Variants in RAB11FIP2 observed in about 807,000 individuals in gnomAD.
The protein encoded by RAB11FIP2 is rab11 family-interacting protein 2.
RAB11FIP2 carries 16 observed loss-of-function variants against 40.9 expected under a neutral mutation model. The observed-to-expected ratio is 0.39, with a 90% CI of 0.26 to 0.59. The LOEUF (loss-of-function observed/expected upper bound fraction) is 0.59. Ranked by LOEUF, RAB11FIP2 falls within the 20% of genes least tolerant of loss-of-function variation. The probability of loss-of-function intolerance (pLI) is 0.53; values close to 1 mark genes in which losing one functional copy is unlikely to be tolerated. For missense variants in RAB11FIP2, 532 were observed against 606.2 expected (o/e 0.88, Z 1.28); for synonymous variants, 228 against 213.7 (o/e 1.07, Z -0.58).
chr10:118,046,182 C>A lies in RAB11FIP2; in HGVS notation c.-19G>T. ...GCATCATCCTGTCCTGTTTCTCTGC[C>A]CCCGAGTTCCCTAGCACAGGCAGTG... On this transcript the variant is annotated 5_prime_UTR_variant, in exon 1 of 5. Transcript: ENST00000355624. The A allele has an allele frequency of 6.2e-7, 1 of 1,602,348 alleles. No individual in the cohort carries two copies. The highest frequency in any genetic ancestry group is 8.5e-7 in the Non-Finnish European group (1 of 1,171,696).
chr10:118,044,530 T>C (rs1331050332), intron 1 of RAB11FIP2, among the ~76,000 whole-genome samples: 1 of 152,130 alleles, frequency 6.6e-6, no homozygotes, highest in Non-Finnish European at 1.5e-5. Flanking sequence ...AAACTTTACA[T>C]TTAACTTTTT....
intron 3 of RAB11FIP2, chr10:118,034,120 T>C: frequency 1.5e-6 from 1 of 688,246 alleles, no homozygotes; most frequent in African/African-American, 1.8e-5. Context: ...GCTACCACCG[T>C]ACACAATTAT....
intron 3 of RAB11FIP2, among the ~76,000 whole-genome samples, chr10:118,034,301 G>A (rs1404475550): frequency 1.3e-5 from 2 of 151,640 alleles, no homozygotes; most frequent in Non-Finnish European, 1.5e-5. Context: ...ACCTGAAAGT[G>A]GTATACATCT....
intron 3 of RAB11FIP2, among the ~76,000 whole-genome samples, chr10:118,024,089 TAA>T (rs11410516): frequency 1.9e-4 from 24 of 126,908 alleles, no homozygotes; most frequent in Admixed American, 3.2e-4. Flanking sequence ...GACTCTGTCT[TAA>T]AAAAAAAAAA....
At chr10:118,033,533 C>CAA (rs1846443342) in intron 3 of RAB11FIP2, among the ~76,000 whole-genome samples, 1 of 152,108 alleles carries the variant, frequency 6.6e-6, no homozygotes, top group Non-Finnish European at 1.5e-5. Flanking sequence ...AAAGAACACT[C>CAA]AGAGATGAGT....
rs771275484 is a variant in RAB11FIP2 at position 118,015,082 on chromosome 10, C to G, written c.1294G>C (p.Asp432His). ...CAACTTACCGGGATTTTCCTGAGGT[C>G]TTCATTGCTTGTTGGACTCATATGA... is the stretch of plus-strand genomic sequence containing the variant. ...SFHMSPTSNE[D>H]LRKIPDSNPF... is the part of the protein sequence containing the mutation. The change falls in exon 4 of 5, where the codon GAC (aspartate) becomes CAC (histidine). Residue 432 changes from aspartate (D) to histidine (H), a missense_variant. Coordinates refer to ENST00000355624, the MANE Select transcript of RAB11FIP2 (RefSeq NM_014904.3). 2 of 1,610,396 alleles carry G rather than the reference C, an allele frequency of 1.2e-6. No homozygotes were observed. The highest frequency in any genetic ancestry group is 2.2e-5 in the South Asian group (2 of 90,480).
intron 1 of RAB11FIP2, among the ~76,000 whole-genome samples, chr10:118,041,699 A>G (rs1846560778): frequency 6.6e-6 from 1 of 152,158 alleles, no homozygotes; most frequent in Non-Finnish European, 1.5e-5. Context: ...TACCAACTGG[A>G]TATGCCAAGA....
At chr10:118,010,139 C>G (rs1846139060) in intron 4 of RAB11FIP2, among the ~76,000 whole-genome samples, 1 of 151,882 alleles carries the variant, frequency 6.6e-6, no homozygotes, top group African/African-American at 2.4e-5. Context: ...TAATCAAGGC[C>G]CTGTAACATA....
intron 3 of RAB11FIP2, chr10:118,017,915 T>C (rs1846240400): frequency 6.6e-6 from 1 of 152,204 alleles, no homozygotes; most frequent in Admixed American, 6.5e-5. Context: ...CAATCACAGC[T>C]TATAAAACTA....
chr10:118,008,981 C>T lies in RAB11FIP2; in HGVS notation c.*17G>A. The T allele has an allele frequency of 3.2e-6, 5 of 1,558,086 alleles. No individual in the cohort carries two copies. Among genetic ancestry groups the T allele is most frequent in the Non-Finnish European group, 4.4e-6 (5 of 1,129,384 alleles). Reference sequence around the variant, plus strand: ...CTCTCTCTTTGTCCAATTATCAATACAATACAATTGGCTTTATTAACTGTT... The same window carrying T: ...CTCTCTCTTTGTCCAATTATCAATATAATACAATTGGCTTTATTAACTGTT... On this transcript the variant is annotated 3_prime_UTR_variant, in exon 5 of 5. Coordinates refer to ENST00000355624, the MANE Select transcript of RAB11FIP2 (RefSeq NM_014904.3).
intron 3 of RAB11FIP2, among the ~76,000 whole-genome samples, chr10:118,021,821 C>A (rs1196661635): frequency 6.6e-6 from 1 of 152,166 alleles, no homozygotes; most frequent in African/African-American, 2.4e-5. Flanking sequence ...TTATCTTCCT[C>A]TTCACCCTTA....
rs1307736052 is a variant in RAB11FIP2, at chr10:118,005,564, T to C, written c.*3434A>G. 1 of 152,326 alleles carries C rather than the reference T, an allele frequency of 6.6e-6. No homozygotes were observed. The highest frequency in any genetic ancestry group is 1.5e-5 in the Non-Finnish European group (1 of 68,052). The allele number at this position is 152,326 out of a possible 1,614,324, so 9.4% of individuals were successfully genotyped here. A position where few individuals can be genotyped will look rare whatever the true frequency, so the allele number is the denominator to read the frequency against. ...TTCAAAGGGACCAAGTGAATGAGCA[T>C]GCATCATACTTCACTTACACATACA... On this transcript the variant is annotated 3_prime_UTR_variant, in exon 5 of 5. Coordinates refer to ENST00000355624, the MANE Select transcript of RAB11FIP2 (RefSeq NM_014904.3).
At position 118,039,236 on chromosome 10, in the gene RAB11FIP2, C is replaced by T; in HGVS notation, c.1001G>A (p.Ser334Asn). 2 of 1,613,688 alleles carry T rather than the reference C, an allele frequency of 1.2e-6. No homozygotes were observed. The highest frequency in any genetic ancestry group is 2.2e-5 in the East Asian group (1 of 44,862). The change falls in exon 3 of 5, where the codon AGC becomes AAC. Residue 334 changes from serine (S) to asparagine (N), a missense_variant. Ser to Asn is a conservative substitution (Grantham distance 46, BLOSUM62 1). Transcript: ENST00000355624. ...TGGTTTTGAAAATAAATTCATGCTG[C>T]TGTCCCATGTTTCGCTGCTTTCTTC... is the stretch of plus-strand genomic sequence containing the variant. Reference protein sequence around the residue: ...PFEESSETWDSSMNLFSKPIE... With the variant: ...PFEESSETWDNSMNLFSKPIE...
At chr10:118,040,638 T>C (rs986140505) in intron 1 of RAB11FIP2, 73 bp from the exon 2 acceptor site, 36 of 1,096,344 alleles carry the variant, frequency 3.3e-5, no homozygotes, top group African/African-American at 3.0e-4. Context: ...TACATACAAA[T>C]AGCCTTTTAG....
intron 3 of RAB11FIP2, among the ~76,000 whole-genome samples, chr10:118,033,175 G>A (rs1808500527): frequency 6.6e-6 from 1 of 152,066 alleles, no homozygotes; most frequent in Non-Finnish European, 1.5e-5. Flanking sequence ...GAGGACCACT[G>A]TAGGTGATAT....
At chr10:118,032,495 T>G (rs1047519295) in intron 3 of RAB11FIP2, among the ~76,000 whole-genome samples, 15 of 152,024 alleles carry the variant, frequency 9.9e-5, no homozygotes, top group African/African-American at 3.6e-4. Flanking sequence ...ACTTCCTTAC[T>G]ATACCCTCTA....
rs1846123151 is a variant in RAB11FIP2 at position 118,008,711 on chromosome 10, A to G, written c.*287T>C. ...TACTTCTGAAGATATTTCTGGGCCTATGGCAGATTAGTGGGTCAGTACCAG... is the reference window on the plus strand; with the variant it reads ...TACTTCTGAAGATATTTCTGGGCCTGTGGCAGATTAGTGGGTCAGTACCAG... On this transcript the variant is annotated 3_prime_UTR_variant, in exon 5 of 5. Transcript: ENST00000355624. 5.9e-6 allele frequency: 2 copies of G among 340,326 alleles called. No individual in the cohort carries two copies. The highest frequency in any genetic ancestry group is 1.1e-5 in the Non-Finnish European group (2 of 184,424). 21.1% of individuals were successfully genotyped at this position (340,326 alleles called of 1,614,324 possible). A position where few individuals can be genotyped will look rare whatever the true frequency, so the allele number is the denominator to read the frequency against.
intron 1 of RAB11FIP2, among the ~76,000 whole-genome samples, chr10:118,045,071 G>A (rs1846609476): frequency 6.6e-6 from 1 of 152,008 alleles, no homozygotes; most frequent in Admixed American, 6.5e-5. Context: ...AAAGACCACT[G>A]AAGATGTTAT....
At chr10:118,043,802 T>C (rs1846592495) in intron 1 of RAB11FIP2, among the ~76,000 whole-genome samples, 1 of 152,202 alleles carries the variant, frequency 6.6e-6, no homozygotes, top group Non-Finnish European at 1.5e-5. Flanking sequence ...ATTAAATATC[T>C]TCCTTGAAAT....
Sources: gnomAD v4.1 joint callset for allele counts (sites outside exome capture counted in the v4.1 genomes callset) on GRCh38, gnomAD v4.1.1 for gene constraint, MANE v1.5 for transcripts, NCBI Gene and HGNC (gene_info 2026-07-23, HGNC 2026-07-21) for gene names.